Variants in SEMA6A observed in about 807,000 individuals in gnomAD.
The protein encoded by SEMA6A is semaphorin 6A.
Under a neutral mutation model 96.8 loss-of-function variants are expected in SEMA6A, and 25 were observed. The ratio of observed to expected loss-of-function variants is 0.26; its 90% CI spans 0.19 to 0.36. The LOEUF (loss-of-function observed/expected upper bound fraction) is 0.36, where lower values mean the gene tolerates loss of function less well. Among genes scored for constraint, SEMA6A ranks in the 10% least tolerant of loss-of-function variants. The pLI is 1.00. For missense variants in SEMA6A, 1,363 were observed against 1,323.1 expected, an observed-to-expected ratio of 1.03 and a Z score of -0.47; for synonymous variants, 612 against 518.0, an observed-to-expected ratio of 1.18 and a Z score of -2.46.
chr5:116,452,633 T>C (rs1375885868), intron 18 of SEMA6A, among the ~76,000 whole-genome samples: 2 of 152,110 alleles, frequency 1.3e-5, no homozygotes, highest in Non-Finnish European at 2.9e-5. Context: ...ATGATGACCA[T>C]GTTAATAAAT....
chr5:116,570,666 G>A (rs1761176190), intron 1 of SEMA6A, among the ~76,000 whole-genome samples: 1 of 152,164 alleles, frequency 6.6e-6, no homozygotes, highest in South Asian at 2.1e-4. Context: ...TGGCAATCTA[G>A]TTCTAAAAAA....
At chr5:116,554,397 AC>A (rs1760531518) in intron 1 of SEMA6A, among the ~76,000 whole-genome samples, 1 of 152,206 alleles carries the variant, frequency 6.6e-6, no homozygotes, top group Non-Finnish European at 1.5e-5. Flanking sequence ...GCATAGTCAA[AC>A]CAGTTTGCCC....
chr5:116,493,818 C>T (rs1193868094), intron 6 of SEMA6A, among the ~76,000 whole-genome samples: 2 of 152,186 alleles, frequency 1.3e-5, no homozygotes, highest in African/African-American at 2.4e-5. Context: ...TTTCTCTCCA[C>T]ATCTGTCTCT....
chr5:116,543,932 A>G (rs1760080707), intron 1 of SEMA6A, among the ~76,000 whole-genome samples: 1 of 152,142 alleles, frequency 6.6e-6, no homozygotes, highest in Non-Finnish European at 1.5e-5. Context: ...AGTCTTCTGA[A>G]CTGCTGTTAA....
At chr5:116,566,805 G>A (rs187647628) in intron 1 of SEMA6A, among the ~76,000 whole-genome samples, 2 of 152,260 alleles carry the variant, frequency 1.3e-5, no homozygotes, top group East Asian at 3.9e-4. Context: ...TCCTACCTTT[G>A]GTGTGGAAGG....
At chr5:116,548,709 A>G (rs1221257071) in intron 1 of SEMA6A, among the ~76,000 whole-genome samples, 1 of 152,230 alleles carries the variant, frequency 6.6e-6, no homozygotes, top group Non-Finnish European at 1.5e-5. Flanking sequence ...AAGAGATAAG[A>G]AGACAACCTT....
At chr5:116,450,989 G>A (rs115483579) in intron 18 of SEMA6A, among the ~76,000 whole-genome samples, 1 of 152,206 alleles carries the variant, frequency 6.6e-6, no homozygotes, top group Non-Finnish European at 1.5e-5. Flanking sequence ...TAGCCATTGT[G>A]AAGGCTTGGA....
chr5:116,547,369 C>G (rs1456022499), intron 1 of SEMA6A, among the ~76,000 whole-genome samples: 1 of 152,166 alleles, frequency 6.6e-6, no homozygotes, highest in Non-Finnish European at 1.5e-5. Flanking sequence ...ATTCATCCTA[C>G]ATTTGTATGT....
At chr5:116,555,387 A>G (rs254079) in intron 1 of SEMA6A, among the ~76,000 whole-genome samples, 75,374 of 152,106 alleles carry the variant, frequency 0.5, 21,003 homozygotes, top group Middle Eastern at 0.68. Context: ...GCTGTTTAGC[A>G]GTTCAGCTGT....
chr5:116,541,797 C>T (rs1170347370), intron 1 of SEMA6A, among the ~76,000 whole-genome samples: 1 of 152,162 alleles, frequency 6.6e-6, no homozygotes, highest in Non-Finnish European at 1.5e-5. Context: ...CACGCCACTG[C>T]ACTCCAGCCT....
intron 1 of SEMA6A, among the ~76,000 whole-genome samples, chr5:116,552,809 G>A (rs1459143115): frequency 1.3e-5 from 2 of 152,190 alleles, no homozygotes; most frequent in Admixed American, 6.5e-5. Flanking sequence ...GTTGCCAGAT[G>A]GGACAAAAAT....
At chr5:116,498,988 G>A (rs1057431977) in intron 3 of SEMA6A, 1 of 152,164 alleles carries the variant, frequency 6.6e-6, no homozygotes, top group African/African-American at 2.4e-5. Flanking sequence ...TAAAAAAGAA[G>A]AGGAATTTAC....
In SEMA6A at chr5:116,445,962, G is replaced by C. The variant is rs749370559; in HGVS notation, c.*651C>G. 1 of 152,570 alleles carries C rather than the reference G, an allele frequency of 6.6e-6. No individual in the cohort carries two copies. The highest frequency in any genetic ancestry group is 1.5e-5 in the Non-Finnish European group (1 of 68,038). The allele number at this position is 152,570 out of a possible 1,614,324, so 9.5% of individuals were successfully genotyped here. A position where few individuals can be genotyped will look rare whatever the true frequency, so the allele number is the denominator to read the frequency against. On this transcript the variant is annotated 3_prime_UTR_variant, in exon 19 of 19. Transcript: ENST00000343348. ...ACGTTATTTCATTAAAAGAGAGGAG[G>C]AGCAGAAATCTATGACATAGTTGCC...
At chr5:116,481,137 C>G (rs1394569944) in intron 11 of SEMA6A, among the ~76,000 whole-genome samples, 1 of 152,110 alleles carries the variant, frequency 6.6e-6, no homozygotes, top group African/African-American at 2.4e-5. Flanking sequence ...GCAAGAGGGA[C>G]GAGGCAGGCA....
chr5:116,531,549 C>A (rs1759478684), intron 1 of SEMA6A, among the ~76,000 whole-genome samples: 1 of 152,146 alleles, frequency 6.6e-6, no homozygotes, highest in Non-Finnish European at 1.5e-5. Flanking sequence ...TGTCCTCCAT[C>A]CCTTGCTCCT....
intron 1 of SEMA6A, among the ~76,000 whole-genome samples, chr5:116,518,306 T>G (rs1037981878): frequency 1.3e-5 from 2 of 152,144 alleles, no homozygotes; most frequent in Non-Finnish European, 2.9e-5. Flanking sequence ...AAGTCTGAAA[T>G]AAAATGGAGG....
At chr5:116,569,062 A>G (rs1469929049) in intron 1 of SEMA6A, among the ~76,000 whole-genome samples, 1 of 152,230 alleles carries the variant, frequency 6.6e-6, no homozygotes, top group Non-Finnish European at 1.5e-5. Context: ...TAAAGCCTAA[A>G]AATGTCTATC....
In SEMA6A at chr5:116,480,103, C is replaced by T. The variant is rs199847944; in HGVS notation, c.1250+19G>A. 2.2e-5 allele frequency: 36 copies of T among 1,612,602 alleles called. No individual in the cohort carries two copies. The highest frequency in any genetic ancestry group is 2.2e-4 in the South Asian group (20 of 90,914). ...TGAAGTTAGGAAATCCATCAGGACA[C>T]GGTTTGTTTGACACCCACCTGACCA... On this transcript the variant is annotated intron_variant, in intron 12 of 18. Coordinates refer to ENST00000343348, the MANE Select transcript of SEMA6A (RefSeq NM_020796.5).
chr5:116,464,170 C>T (rs537907230), intron 18 of SEMA6A, among the ~76,000 whole-genome samples: 2 of 152,288 alleles, frequency 1.3e-5, no homozygotes, highest in East Asian at 1.9e-4. Context: ...CTACCCATTA[C>T]GACCTCAATA....
Sources: gnomAD v4.1 joint callset for allele counts (sites outside exome capture counted in the v4.1 genomes callset) on GRCh38, gnomAD v4.1.1 for gene constraint, MANE v1.5 for transcripts, NCBI Gene and HGNC (gene_info 2026-07-23, HGNC 2026-07-21) for gene names.